The following ERICH2 variants were observed in gnomAD, a reference collection of about 807,000 sequenced individuals.
ERICH2 encodes the protein glutamate rich 2, also known as glutamate-rich protein 2.
ERICH2 carries 17 observed loss-of-function variants against 17.4 expected under a neutral mutation model. The ratio of observed to expected loss-of-function variants is 0.98; its 90% confidence interval spans 0.67 to 1.47. The LOEUF (loss-of-function observed/expected upper bound fraction) is 1.47, where lower values mean the gene tolerates loss of function less well. Ranked by LOEUF, ERICH2 falls within the 40% of genes most tolerant of loss-of-function variation. The pLI is 0.00. For missense variants in ERICH2, 186 were observed against 183.2 expected, an observed-to-expected ratio of 1.01 and a Z score of -0.09; for synonymous variants, 51 against 61.1, an observed-to-expected ratio of 0.83 and a Z score of 0.77.
chr2:170,790,969 AAAAAT>A (rs1490830119), intron 2 of ERICH2, among the ~76,000 whole-genome samples: 9 of 152,152 alleles, frequency 5.9e-5, no homozygotes, highest in Admixed American at 2.0e-4. Flanking sequence ...CAGAAACTAG[AAAAAT>A]AAAATAAACA....
At chr2:170,788,312 TTTTTTTCTTTTTC>T (rs1178357252) in intron 2 of ERICH2, among the ~76,000 whole-genome samples, 5 of 152,264 alleles carry the variant, frequency 3.3e-5, no homozygotes, top group African/African-American at 1.2e-4. Context: ...AGTTGTTTTG[TTTTTTTCTTTTTC>T]AACATTTAAT....
chr2:170,789,534 G>C (rs1701234209), intron 2 of ERICH2, among the ~76,000 whole-genome samples: 1 of 151,860 alleles, frequency 6.6e-6, no homozygotes, highest in Admixed American at 6.6e-5. Context: ...TTGTTTAGTT[G>C]TTAAGCATCT....
chr2:170,772,202 ACCGGTTG>A, the ERICH2 span, among the ~76,000 whole-genome samples: 1 of 152,136 alleles, frequency 6.6e-6, no homozygotes, highest in Non-Finnish European at 1.5e-5. Flanking sequence ...ACCTACGCTC[ACCGGTTG>A]AGCCACATCC....
chr2:170,780,587 CCT>C (rs1701003232), upstream of ERICH2, among the ~76,000 whole-genome samples: 1 of 152,112 alleles, frequency 6.6e-6, no homozygotes, highest in African/African-American at 2.4e-5. Flanking sequence ...TAGCTAAATT[CCT>C]GTTTTAAGGG....
chr2:170,791,859 T>C (rs1701299294), intron 2 of ERICH2, among the ~76,000 whole-genome samples: 1 of 152,140 alleles, frequency 6.6e-6, no homozygotes, highest in African/African-American at 2.4e-5. Context: ...AGAAAACTGG[T>C]AGAGAACTAC....
At chr2:170,796,023 A>G (rs1701407126) in intron 3 of ERICH2, among the ~76,000 whole-genome samples, 1 of 152,206 alleles carries the variant, frequency 6.6e-6, no homozygotes, top group South Asian at 2.1e-4. Flanking sequence ...TGAATAAAAT[A>G]ACTCACTCTT....
the ERICH2 span, among the ~76,000 whole-genome samples, chr2:170,774,641 C>T: frequency 4.0e-5 from 6 of 148,414 alleles, no homozygotes; most frequent in South Asian, 2.1e-4. Context: ...TCTCGGCTCA[C>T]TGCAACCTTC....
intron 3 of ERICH2, among the ~76,000 whole-genome samples, chr2:170,794,188 C>A (rs1184718746): frequency 7.1e-6 from 1 of 140,846 alleles, no homozygotes; most frequent in East Asian, 2.3e-4. Context: ...CTCACTGCAA[C>A]CTCTGCCTCC....
chr2:170,783,759 G>A (rs534735809), upstream of ERICH2: 2 of 1,543,204 alleles, frequency 1.3e-6, no homozygotes, highest in Admixed American at 2.0e-5. Flanking sequence ...TCCTCATTAT[G>A]ACCTCCCTTG....
exon 2 of ERICH2, chr2:170,784,762 A>G (rs1413448122): frequency 6.5e-6 from 10 of 1,544,714 alleles, no homozygotes; most frequent in East Asian, 2.5e-5. Flanking sequence ...AGATGATACC[A>G]ATGATGAAGA....
chr2:170,795,919 A>C lies in ERICH2; in HGVS notation c.275-2122A>C, dbSNP rs949526064. Among the ~76,000 whole-genome samples, 3 of 152,308 alleles carry C rather than the reference A, an allele frequency of 2.0e-5. No individual in the cohort carries two copies. In the East Asian group the frequency reaches 5.8e-4, roughly 29 times the overall value. On this transcript the variant is annotated intron_variant, in intron 3 of 4. Coordinates refer to ENST00000409885, the Ensembl canonical transcript of ERICH2. ...AATGTTAAAGAATAATGGCTCAAAA[A>C]CCAAAATACTTCATGCCATTATATG...
At chr2:170,776,198 T>C in the ERICH2 span, among the ~76,000 whole-genome samples, 1 of 152,312 alleles carries the variant, frequency 6.6e-6, no homozygotes, top group East Asian at 1.9e-4. Flanking sequence ...GAGAAAACAT[T>C]GTACCTTTAT....
chr2:170,773,974 G>A, the ERICH2 span, among the ~76,000 whole-genome samples: 16 of 152,170 alleles, frequency 1.1e-4, no homozygotes, highest in East Asian at 9.7e-4. Flanking sequence ...CTCTGGCCTC[G>A]ACCTCCCAAA....
At chr2:170,787,031 TTTTGTTTG>T (rs141133369) in intron 2 of ERICH2, among the ~76,000 whole-genome samples, 84 of 151,304 alleles carry the variant, frequency 5.6e-4, no homozygotes, top group Middle Eastern at 3.4e-3. Context: ...CATGCCTATA[TTTTGTTTG>T]TTTGTTTGTT....
At chr2:170,788,541 G>A (rs1304323509) in intron 2 of ERICH2, among the ~76,000 whole-genome samples, 3 of 151,698 alleles carry the variant, frequency 2.0e-5, no homozygotes, top group South Asian at 2.1e-4. Context: ...GCGTGATCTC[G>A]GCTCACTGCA....
At chr2:170,783,769 G>C, upstream of ERICH2, 2 of 1,548,426 alleles carry the variant, frequency 1.3e-6, no homozygotes, top group Non-Finnish European at 1.7e-6. Context: ...GACCTCCCTT[G>C]GTGACATCAG....
At chr2:170,788,472 T>A (rs1264747903) in intron 2 of ERICH2, among the ~76,000 whole-genome samples, 1 of 51,184 alleles carries the variant, frequency 2.0e-5, no homozygotes, top group East Asian at 7.2e-4. Context: ...TCCCAATTTT[T>A]AATTTTTATT....
chr2:170,774,811 G>A, the ERICH2 span, among the ~76,000 whole-genome samples: 2 of 151,466 alleles, frequency 1.3e-5, no homozygotes, highest in Admixed American at 6.6e-5. Context: ...TCCTGACCTC[G>A]GGATCCACCT....
upstream of ERICH2, chr2:170,782,320 G>A (rs368349693): frequency 9.3e-5 from 91 of 974,320 alleles, 1 homozygote; most frequent in Middle Eastern, 2.6e-3. Context: ...AAGGAGTATC[G>A]AAAGTAAAGA....
Sources: allele counts gnomAD v4.1 joint callset (sites outside exome capture counted in the v4.1 genomes callset), GRCh38; gene constraint gnomAD v4.1.1; transcripts MANE v1.5; gene names NCBI Gene and HGNC (gene_info 2026-07-23, HGNC 2026-07-21).